The following KRT2 variants were observed in gnomAD, a reference collection of about 807,000 sequenced individuals.
KRT2 encodes the protein keratin, type II cytoskeletal 2 epidermal.
Under a neutral mutation model 48.5 loss-of-function variants are expected in KRT2, and 37 were observed. That is an observed-to-expected ratio of 0.76 (90% CI 0.59 to 1.00). KRT2 has a LOEUF of 1.00. KRT2 is among the 50% of genes least tolerant of loss of function. KRT2 has a pLI of 0.00. For missense variants in KRT2, 880 were observed against 815.2 expected, an observed-to-expected ratio of 1.08 and a Z score of -0.97; for synonymous variants, 324 against 312.2, an observed-to-expected ratio of 1.04 and a Z score of -0.40.
rs1324919918 is a variant in KRT2 at position 52,650,363 on chromosome 12, T to C, written c.776A>G (p.Asp259Gly). ...SQNSELNNMQ[D>G]LVEDYKKKYE... ...CTTCTTCTTATAATCCTCCACAAGA[T>C]CCTGCATGTTATTCAGCTCTGAATT... The change falls in exon 2 of 9, where the codon GAT becomes GGT. Residue 259 changes from aspartate to glycine, a missense_variant. Coordinates refer to ENST00000309680, the MANE Select transcript of KRT2 (RefSeq NM_000423.3). The C allele has an allele frequency of 2.5e-6, 4 of 1,614,164 alleles. No homozygotes were observed. Among genetic ancestry groups the C allele is most frequent in the Non-Finnish European group, 3.4e-6 (4 of 1,179,980 alleles).
At position 52,651,754 on chromosome 12, in the gene KRT2, C is replaced by T. The variant is rs1290634097; in HGVS notation, c.389G>A (p.Gly130Asp). The T allele has an allele frequency of 6.2e-7, 1 of 1,613,954 alleles. No homozygotes were observed. The highest frequency in any genetic ancestry group is 1.7e-5 in the Admixed American group (1 of 60,004). The change falls in exon 1 of 9, where the codon GGT becomes GAT. Residue 130 changes from glycine to aspartate, a missense_variant. By Grantham distance (94) the Gly-to-Asp change is moderately conservative (BLOSUM62 -1). Transcript: ENST00000309680. ...GGRFGGFGGP[G>D]GVGGLGGPGG... The stretch of plus-strand genomic sequence containing the variant: ...AGGACCCCCTAAACCTCCAACACCA[C>T]CAGGGCCCCCAAAACCTCCAAAGCG...
At chr12:52,649,513 G>A (rs1565639902) in intron 3 of KRT2, among the ~76,000 whole-genome samples, 1 of 152,190 alleles carries the variant, frequency 6.6e-6, no homozygotes, top group Non-Finnish European at 1.5e-5. Flanking sequence ...GACCCAGCAG[G>A]AGAACCCTTG....
chr12:52,649,461 C>T (rs1203871509), intron 3 of KRT2, among the ~76,000 whole-genome samples: 1 of 152,186 alleles, frequency 6.6e-6, no homozygotes, highest in Non-Finnish European at 1.5e-5. Flanking sequence ...TCCATCTCAC[C>T]TCTCCGAAAT....
chr12:52,648,192 T>A lies in KRT2; in HGVS notation c.1103A>T (p.Glu368Val), dbSNP rs1403169816. Residue 368 changes from glutamate to valine, a missense_variant, in exon 5 of 9, where the codon GAG becomes GTG. Coordinates refer to ENST00000309680, the MANE Select transcript of KRT2 (RefSeq NM_000423.3). ...ACTTGCCTTGCTGTGGTACAGGGCCTCCGCTTCTTCCTTGCTCCTCTGGGC... is the reference window on the plus strand; with the variant it reads ...ACTTGCCTTGCTGTGGTACAGGGCCACCGCTTCTTCCTTGCTCCTCTGGGC... ...EIAQRSKEEA[E>V]ALYHSKYEEL... The A allele has an allele frequency of 1.3e-5, 21 of 1,614,070 alleles. No individual in the cohort carries two copies. Among genetic ancestry groups the A allele is most frequent in the Non-Finnish European group, 1.8e-5 (21 of 1,180,018 alleles).
At position 52,646,712 on chromosome 12, in the gene KRT2, T is replaced by TC. The variant is rs1227993623; in HGVS notation, c.1469+27dup. On this transcript the variant is annotated intron_variant, in intron 7 of 8. Transcript: ENST00000309680. The stretch of plus-strand genomic sequence containing the variant: ...GGAGAGATGAGAGGAAGGGCCAGGG[T>TC]CCCCTTCTCCCTTCCCAGTGCCCTC... 3 of 1,609,804 alleles carry TC rather than the reference T, an allele frequency of 1.9e-6. No homozygotes were observed. The African/African-American group carries it at 4.0e-5, about 22-fold the overall frequency.
intron 3 of KRT2, 71 bp downstream of exon 3, chr12:52,649,843 G>A: frequency 8.6e-7 from 1 of 1,167,690 alleles, no homozygotes; most frequent in Non-Finnish European, 1.3e-6. Flanking sequence ...TTTCCAAACT[G>A]GCTGCTTAGA....
At position 52,646,816 on chromosome 12, in the gene KRT2, C is replaced by T. The variant is rs758760389; in HGVS notation, c.1393G>A (p.Glu465Lys). 1.2e-6 allele frequency: 2 copies of T among 1,614,052 alleles called. No individual in the cohort carries two copies. Among genetic ancestry groups the T allele is most frequent in the African/African-American group, 2.7e-5 (2 of 74,926 alleles). ...AGGGCCAGCTTCACGTTCATCAGCT[C>T]CTGGTAGTCACGCAGCAGCCGCGCC... ...DLARLLRDYQ[E>K]LMNVKLALDV... is the part of the protein sequence containing the mutation. Residue 465 changes from glutamate (E) to lysine (K), a missense_variant, in exon 7 of 9, where the codon GAG becomes AAG. By Grantham distance (56) the Glu-to-Lys change is moderately conservative. Coordinates refer to ENST00000309680, the MANE Select transcript of KRT2 (RefSeq NM_000423.3).
Position 52,647,516 on chromosome 12 carries a change from G to A in KRT2, c.1248+214C>T, listed in dbSNP as rs951211106. On this transcript the variant is annotated intron_variant, in intron 6 of 8. Coordinates refer to ENST00000309680, the MANE Select transcript of KRT2 (RefSeq NM_000423.3). ...CAAGTGAGCACAATTCTTTCCCTTC[G>A]ATAATCCTTACTTTGGAATGTCTAT... 7.2e-5 allele frequency among the ~76,000 whole-genome samples: 11 copies of A among 152,298 alleles called. No homozygotes were observed. In the South Asian group the frequency reaches 1.9e-3, roughly 26 times the overall value.
chr12:52,647,936 T>A, intron 5 of KRT2, 81 bp from the exon 6 acceptor site: 1 of 1,576,992 alleles, frequency 6.3e-7, no homozygotes, highest in Non-Finnish European at 8.7e-7. Flanking sequence ...GAAGGAGAGC[T>A]GGTTACTGGT....
Position 52,646,911 on chromosome 12 carries a change from T to C in KRT2, c.1298A>G (p.His433Arg). Reference protein sequence around the residue: ...AIADAEQRGEHALKDARNKLN... With the variant: ...AIADAEQRGERALKDARNKLN... Reference sequence around the variant, plus strand: ...CTTGTTCCTGGCATCCTTGAGGGCATGCTCCCCACGCTGCTCGGCATCTGC... The same window carrying C: ...CTTGTTCCTGGCATCCTTGAGGGCACGCTCCCCACGCTGCTCGGCATCTGC... The change falls in exon 7 of 9, where the codon CAT becomes CGT. Residue 433 changes from histidine to arginine, a missense_variant. Physicochemically the swap from His to Arg is conservative, Grantham distance 29. Coordinates refer to ENST00000309680, the MANE Select transcript of KRT2 (RefSeq NM_000423.3). The C allele has an allele frequency of 6.2e-7, 1 of 1,614,230 alleles. No homozygotes were observed. Among genetic ancestry groups the C allele is most frequent in the Non-Finnish European group, 8.5e-7 (1 of 1,180,036 alleles).
intron 1 of KRT2, 66 bp from the exon 2 acceptor site, chr12:52,650,619 G>T: frequency 1.5e-6 from 2 of 1,329,480 alleles, no homozygotes; most frequent in Non-Finnish European, 2.2e-6. Context: ...AGCCACGCTG[G>T]CCAGGGGCAG....
At position 52,649,086 on chromosome 12, in the gene KRT2, T is replaced by C. The variant is rs1257199800; in HGVS notation, c.878A>G (p.Tyr293Cys). The C allele has an allele frequency of 6.2e-7, 1 of 1,612,034 alleles. No individual in the cohort carries two copies. The highest frequency in any genetic ancestry group is 8.5e-7 in the Non-Finnish European group (1 of 1,178,172). The change falls in exon 4 of 9, where the codon TAC (tyrosine) becomes TGC (cysteine). Residue 293 changes from tyrosine to cysteine, a missense_variant. By Grantham distance (194) the Tyr-to-Cys change is radical. Coordinates refer to ENST00000309680, the MANE Select transcript of KRT2 (RefSeq NM_000423.3). The part of the protein sequence containing the change: ...VTLKKDVDNA[Y>C]MIKVELQSKV... Reference sequence around the variant, plus strand: ...GGACTGCAACTCCACCTTTATCATGTAGGCATTGTCCACGTCCTGCAAGAA... The same window carrying C: ...GGACTGCAACTCCACCTTTATCATGCAGGCATTGTCCACGTCCTGCAAGAA...
In KRT2 at chr12:52,645,005, G is replaced by C; in HGVS notation, c.*14C>G. 5 of 1,613,782 alleles carry C rather than the reference G, an allele frequency of 3.1e-6. No homozygotes were observed. The highest frequency in any genetic ancestry group is 4.2e-6 in the Non-Finnish European group (5 of 1,179,786). Reference sequence around the variant, plus strand: ...GTCTGGGTTGGGAGAGTCGGTGGTGGTGGGGGCTCATCTTTATCTAAAAGA... The same window carrying C: ...GTCTGGGTTGGGAGAGTCGGTGGTGCTGGGGGCTCATCTTTATCTAAAAGA... On this transcript the variant is annotated 3_prime_UTR_variant, in exon 9 of 9. Coordinates refer to ENST00000309680, the MANE Select transcript of KRT2 (RefSeq NM_000423.3).
intron 6 of KRT2, among the ~76,000 whole-genome samples, 175 bp from the exon 7 acceptor site, chr12:52,647,135 A>G (rs1486309068): frequency 3.9e-5 from 6 of 152,020 alleles, no homozygotes; most frequent in Non-Finnish European, 7.4e-5. Context: ...TCTTCTTCCC[A>G]TGTCACCGTT....
intron 2 of KRT2, 146 bp downstream of exon 2, chr12:52,650,193 C>A (rs570580020): frequency 2.1e-5 from 17 of 823,246 alleles, no homozygotes; most frequent in Middle Eastern, 5.6e-4. Flanking sequence ...GTCTCACTGT[C>A]TTCCTCACAA....
At chr12:52,647,056 G>A in intron 6 of KRT2, 96 bp from the exon 7 acceptor site, 4 of 1,104,192 alleles carry the variant, frequency 3.6e-6, no homozygotes, top group Admixed American at 3.5e-5. Flanking sequence ...CTGGCCCTGG[G>A]AGTGTTAGGT....
intron 6 of KRT2, among the ~76,000 whole-genome samples, chr12:52,647,500 A>G (rs1461785365): frequency 3.9e-5 from 6 of 152,382 alleles, no homozygotes; most frequent in African/African-American, 9.6e-5. Flanking sequence ...ACAAGTGAGC[A>G]CAATTCTTTC....
chr12:52,652,030 G>C lies in KRT2; in HGVS notation c.113C>G (p.Ser38Cys). Residue 38 changes from serine (S) to cysteine (C), a missense_variant, in exon 1 of 9, where the codon TCC (serine) becomes TGC (cysteine). Transcript: ENST00000309680. ...VVSGGSRRST[S>C]SFSCLSRHGG... ...ATGGCGGCTCAAGCAGGAGAAGCTGGAAGTTGATCTCCGGCTTCCACCAGA... is the reference window on the plus strand; with the variant it reads ...ATGGCGGCTCAAGCAGGAGAAGCTGCAAGTTGATCTCCGGCTTCCACCAGA... The C allele has an allele frequency of 6.2e-7, 1 of 1,608,254 alleles. No homozygotes were observed. Among genetic ancestry groups the C allele is most frequent in the Non-Finnish European group, 8.5e-7 (1 of 1,179,872 alleles).
intron 5 of KRT2, 83 bp from the exon 6 acceptor site, chr12:52,647,938 G>T: frequency 6.3e-7 from 1 of 1,576,904 alleles, no homozygotes; most frequent in Non-Finnish European, 8.7e-7. Context: ...AGGAGAGCTG[G>T]TTACTGGTCC....
Sources: allele counts gnomAD v4.1 joint callset (sites outside exome capture counted in the v4.1 genomes callset), GRCh38; gene constraint gnomAD v4.1.1; transcripts MANE v1.5; gene names NCBI Gene and HGNC (gene_info 2026-07-23, HGNC 2026-07-21).